SFXN5: variants seen among roughly 807,000 people sequenced by gnomAD.
SFXN5 encodes sideroflexin-5.
Under a neutral mutation model 50.2 loss-of-function variants are expected in SFXN5, and 43 were observed. That is an observed-to-expected ratio of 0.86 (90% CI 0.67 to 1.11). SFXN5 has a LOEUF of 1.11. Among genes scored for constraint, SFXN5 ranks in the 50% least tolerant of loss-of-function variants. SFXN5 has a pLI of 0.00. For missense variants in SFXN5, 463 were observed against 454.1 expected, an observed-to-expected ratio of 1.02 and a Z score of -0.18; for synonymous variants, 203 against 185.8, an observed-to-expected ratio of 1.09 and a Z score of -0.75.
intron 10 of SFXN5, among the ~76,000 whole-genome samples, chr2:72,982,576 T>C (rs1671440691): frequency 6.6e-6 from 1 of 152,184 alleles, no homozygotes; most frequent in Middle Eastern, 3.2e-3. Flanking sequence ...GTCCCTGCCT[T>C]GGGGCACTCA....
At chr2:72,975,206 G>A (rs1431678449) in intron 10 of SFXN5, among the ~76,000 whole-genome samples, 3 of 152,208 alleles carry the variant, frequency 2.0e-5, no homozygotes, top group Non-Finnish European at 4.4e-5. Flanking sequence ...GACCCATTGC[G>A]ATGCAAAATC....
intron 1 of SFXN5, among the ~76,000 whole-genome samples, chr2:73,062,788 CTA>C (rs1307655398): frequency 1.3e-5 from 2 of 152,114 alleles, no homozygotes; most frequent in South Asian, 2.1e-4. Flanking sequence ...AGAGTTCTTC[CTA>C]TGTCTTCCTA....
chr2:72,957,306 T>C (rs908033988), intron 13 of SFXN5, among the ~76,000 whole-genome samples: 2 of 152,204 alleles, frequency 1.3e-5, no homozygotes, highest in African/African-American at 4.8e-5. Flanking sequence ...CCTGGTCCAA[T>C]AGATATCTGG....
chr2:73,008,685 T>C (rs1675083234), intron 6 of SFXN5, among the ~76,000 whole-genome samples: 1 of 152,102 alleles, frequency 6.6e-6, no homozygotes, highest in Non-Finnish European at 1.5e-5. Context: ...TCTGGAAAGA[T>C]ACCTGAAGAA....
intron 6 of SFXN5, among the ~76,000 whole-genome samples, chr2:73,016,715 C>CA (rs1420553915): frequency 6.6e-6 from 1 of 152,064 alleles, no homozygotes; most frequent in Non-Finnish European, 1.5e-5. Flanking sequence ...AACAAACAAA[C>CA]AAACAAACAA....
At chr2:73,068,454 G>A (rs55768189) in intron 1 of SFXN5, among the ~76,000 whole-genome samples, 7,274 of 152,146 alleles carry the variant, frequency 0.048, 253 homozygotes, top group East Asian at 0.14. Context: ...CCCAACTCTG[G>A]GATGTCTCAG....
intron 2 of SFXN5, among the ~76,000 whole-genome samples, chr2:73,048,043 T>C (rs1462498607): frequency 1.3e-5 from 2 of 152,230 alleles, no homozygotes; most frequent in Non-Finnish European, 2.9e-5. Flanking sequence ...AAACTGCTCA[T>C]ATACTCATAG....
intron 3 of SFXN5, among the ~76,000 whole-genome samples, chr2:73,035,197 G>T (rs2105900499): frequency 6.6e-6 from 1 of 152,280 alleles, no homozygotes; most frequent in Middle Eastern, 3.4e-3. Context: ...GCGAGCGGTG[G>T]CTCACCATGG....
At position 72,961,352 on chromosome 2, in the gene SFXN5, G is replaced by A; in HGVS notation, c.828-104C>T. 1 of 721,152 alleles carries A rather than the reference G, an allele frequency of 1.4e-6. No individual in the cohort carries two copies. The highest frequency in any genetic ancestry group is 2.2e-6 in the Non-Finnish European group (1 of 462,812). 44.7% of individuals were successfully genotyped at this position (721,152 alleles called of 1,614,324 possible). ...CTCTGTCTCTGGGCCCAGGAAGCGT[G>A]GTTCCGGGGCAGTGCCAGTGTGCAG... On this transcript the variant is annotated intron_variant, in intron 12 of 13. Transcript: ENST00000272433. This position sits in a 1 kb window ranked among gnomAD's most constrained non-coding sequence, Gnocchi z 4.4.
intron 10 of SFXN5, among the ~76,000 whole-genome samples, chr2:72,987,729 T>C (rs1672086121): frequency 6.6e-6 from 1 of 152,100 alleles, no homozygotes; most frequent in African/African-American, 2.4e-5. Context: ...TACTCCAGCC[T>C]GAGTGACAAG....
intron 10 of SFXN5, among the ~76,000 whole-genome samples, chr2:72,984,593 G>A (rs1389550574): frequency 6.6e-6 from 1 of 152,240 alleles, no homozygotes; most frequent in Non-Finnish European, 1.5e-5. Flanking sequence ...CTGTAAGAGG[G>A]TGATGGCTTG....
chr2:73,069,934 C>G (rs1034094930), intron 1 of SFXN5, among the ~76,000 whole-genome samples: 2 of 152,192 alleles, frequency 1.3e-5, no homozygotes, highest in South Asian at 2.1e-4. Flanking sequence ...CCCCTTCTTG[C>G]AAAAGGCCTA....
intron 10 of SFXN5, among the ~76,000 whole-genome samples, chr2:72,985,110 T>A (rs769657203): frequency 2.0e-5 from 3 of 152,112 alleles, no homozygotes; most frequent in Admixed American, 6.5e-5. Context: ...AGAGCTTAAA[T>A]ATGATCACTG....
chr2:72,999,158 G>T, intron 8 of SFXN5, 144 bp from the exon 9 acceptor site: 1 of 757,004 alleles, frequency 1.3e-6, no homozygotes, highest in Non-Finnish European at 2.3e-6. Flanking sequence ...AGGACTCAAA[G>T]GGATCAGGCC....
intron 3 of SFXN5, among the ~76,000 whole-genome samples, chr2:73,027,027 ACTT>A (rs1677646267): frequency 6.6e-6 from 1 of 152,034 alleles, no homozygotes; most frequent in African/African-American, 2.4e-5. Flanking sequence ...GTGCCCAGCC[ACTT>A]CTTATTATTT....
At chr2:72,985,394 T>C (rs1671789161) in intron 10 of SFXN5, among the ~76,000 whole-genome samples, 1 of 152,044 alleles carries the variant, frequency 6.6e-6, no homozygotes, top group Non-Finnish European at 1.5e-5. Context: ...AGAGGCCAAG[T>C]ACAGGGACTG....
intron 2 of SFXN5, chr2:73,049,162 T>C (rs1368784187): frequency 1.3e-5 from 2 of 152,296 alleles, no homozygotes; most frequent in African/African-American, 2.4e-5. Context: ...AAGCTGGAAG[T>C]CCAAGATCAA....
In SFXN5 at chr2:72,961,276, T is replaced by A. The variant is rs775164009; in HGVS notation, c.828-28A>T. ...GTGAGGGAGAGAGGAGGGAGCCCCA[T>A]GAGACCCGAAGGTGGGGTGGGCTGG... is the stretch of plus-strand genomic sequence containing the variant. On this transcript the variant is annotated intron_variant, in intron 12 of 13. Coordinates refer to ENST00000272433, the MANE Select transcript of SFXN5 (RefSeq NM_144579.3). This position sits in a 1 kb window ranked among gnomAD's most constrained non-coding sequence, Gnocchi z 4.4. The A allele has an allele frequency of 6.8e-7, 1 of 1,466,078 alleles. No individual in the cohort carries two copies. Among genetic ancestry groups the A allele is most frequent in the African/African-American group, 1.5e-5 (1 of 68,008 alleles). The allele number at this position is 1,466,078 out of a possible 1,614,324, so 90.8% of individuals were successfully genotyped here.
At chr2:72,988,498 C>T in intron 9 of SFXN5, 150 bp from the exon 10 acceptor site, 1 of 704,274 alleles carries the variant, frequency 1.4e-6, no homozygotes. Context: ...TCAGCGTCAC[C>T]TGAGGTTGCA....
Sources: gnomAD v4.1 joint callset for allele counts (sites outside exome capture counted in the v4.1 genomes callset) on GRCh38, gnomAD v4.1.1 for gene constraint, Gnocchi (gnomAD v3.1) non-coding constraint, MANE v1.5 for transcripts, NCBI Gene and HGNC (gene_info 2026-07-23, HGNC 2026-07-21) for gene names.